Variants in RUNDC3B observed in about 807,000 individuals in gnomAD.
RUNDC3B encodes the protein RUN domain-containing protein 3B.
Under a neutral mutation model 58.4 loss-of-function variants are expected in RUNDC3B, and 33 were observed. That is an observed-to-expected ratio of 0.56 (90% CI 0.43 to 0.75). The LOEUF (loss-of-function observed/expected upper bound fraction) is 0.75. RUNDC3B is among the 30% of genes least tolerant of loss of function. The pLI is 0.00. For missense variants in RUNDC3B, 501 were observed against 535.7 expected (o/e 0.94, Z 0.64); for synonymous variants, 193 against 195.2 (o/e 0.99, Z 0.10).
intron 8 of RUNDC3B, among the ~76,000 whole-genome samples, chr7:87,780,531 T>A (rs1563204769): frequency 6.6e-6 from 1 of 152,266 alleles, no homozygotes; most frequent in African/African-American, 2.4e-5. Flanking sequence ...TTTGTGAGTG[T>A]TTTTCCCCAA....
chr7:87,683,461 C>A (rs1249043303), intron 2 of RUNDC3B, among the ~76,000 whole-genome samples: 2 of 152,100 alleles, frequency 1.3e-5, no homozygotes, highest in South Asian at 4.1e-4. Context: ...AGATATATGC[C>A]ACTCTTCACT....
chr7:87,750,139 T>C (rs1400154127), intron 6 of RUNDC3B, among the ~76,000 whole-genome samples: 2 of 152,130 alleles, frequency 1.3e-5, no homozygotes, highest in Admixed American at 1.3e-4. Context: ...TTTGGTTTTT[T>C]GTTCTTGCGA....
chr7:87,822,130 G>A (rs1167486411), intron 10 of RUNDC3B, among the ~76,000 whole-genome samples: 12 of 151,728 alleles, frequency 7.9e-5, no homozygotes, highest in South Asian at 2.1e-4. Context: ...GAAAATTTCC[G>A]CAACCTACTC....
intron 2 of RUNDC3B, among the ~76,000 whole-genome samples, chr7:87,694,662 C>T (rs551498083): frequency 8.5e-5 from 13 of 152,188 alleles, no homozygotes; most frequent in African/African-American, 2.2e-4. Flanking sequence ...TTCAGGAGTA[C>T]GCATTTATGT....
intron 10 of RUNDC3B, among the ~76,000 whole-genome samples, chr7:87,824,806 T>G (rs1438434353): frequency 5.3e-5 from 8 of 152,070 alleles, no homozygotes; most frequent in Admixed American, 5.2e-4. Flanking sequence ...TCTTGTTATA[T>G]TTTAGCAAAG....
Position 87,640,207 on chromosome 7 carries a change from T to C in RUNDC3B, c.123-10615T>C, listed in dbSNP as rs1347966902. Among the ~76,000 whole-genome samples, 3 of 149,558 alleles carry C rather than the reference T, an allele frequency of 2.0e-5. No homozygotes were observed. The East Asian group carries it at 5.8e-4, about 29-fold the overall frequency. ...ATATATATGTGTATATATATATATA[T>C]ATTAAATCTTACATTATTTTATTAC... On this transcript the variant is annotated intron_variant, in intron 1 of 10. Transcript: ENST00000394654.
intron 1 of RUNDC3B, among the ~76,000 whole-genome samples, chr7:87,631,476 C>T (rs914989426): frequency 4.6e-5 from 7 of 152,128 alleles, no homozygotes; most frequent in Non-Finnish European, 5.9e-5. Context: ...CTGCAAGCTC[C>T]GCCTCCCGGG....
At chr7:87,760,796 C>T (rs963111871) in intron 6 of RUNDC3B, among the ~76,000 whole-genome samples, 17 of 151,894 alleles carry the variant, frequency 1.1e-4, no homozygotes, top group African/African-American at 2.7e-4. Context: ...TGAATTTAGA[C>T]CTTAACCTCA....
chr7:87,807,394 T>A lies in RUNDC3B; in HGVS notation c.978T>A (p.Asp326Glu). 6.2e-7 allele frequency: 1 copy of A among 1,613,708 alleles called. No homozygotes were observed. Among genetic ancestry groups the A allele is most frequent in the Non-Finnish European group, 8.5e-7 (1 of 1,179,704 alleles). ...ACAGGACTGTGCTAAAGAATAATGA[T>A]TTAAGATCGAGACAAGAGTTAACTG... The part of the protein sequence containing the change: ...QDQLTVLKNN[D>E]LRSRQELTAH... Residue 326 changes from aspartate to glutamate, a missense_variant, in exon 9 of 11, where the codon GAT becomes GAA. Asp to Glu is a conservative substitution (Grantham distance 45). Transcript: ENST00000394654.
chr7:87,667,080 C>A (rs2130491147), intron 2 of RUNDC3B, among the ~76,000 whole-genome samples: 1 of 152,186 alleles, frequency 6.6e-6, no homozygotes, highest in Middle Eastern at 3.4e-3. Flanking sequence ...TTGCTTTGGG[C>A]AGTATAGCCA....
intron 6 of RUNDC3B, among the ~76,000 whole-genome samples, chr7:87,766,433 T>C (rs761453541): frequency 2.6e-5 from 4 of 152,160 alleles, no homozygotes; most frequent in Non-Finnish European, 4.4e-5. Context: ...GTAGGACTAG[T>C]CTAATCGTGA....
intron 8 of RUNDC3B, among the ~76,000 whole-genome samples, chr7:87,788,870 A>G (rs1835375397): frequency 6.6e-6 from 1 of 152,104 alleles, no homozygotes; most frequent in African/African-American, 2.4e-5. Flanking sequence ...TGAATTTAGT[A>G]TTTTTCAGTA....
intron 4 of RUNDC3B, among the ~76,000 whole-genome samples, chr7:87,715,838 G>C (rs1425737557): frequency 6.6e-6 from 1 of 151,966 alleles, no homozygotes; most frequent in Non-Finnish European, 1.5e-5. Flanking sequence ...CTGAAGGGAA[G>C]CTGGAGGGAA....
At chr7:87,653,094 GAT>G (rs1236391774) in intron 2 of RUNDC3B, among the ~76,000 whole-genome samples, 1 of 151,944 alleles carries the variant, frequency 6.6e-6, no homozygotes, top group African/African-American at 2.4e-5. Flanking sequence ...TTTAAAATCA[GAT>G]ATATTAATAT....
chr7:87,828,468 G>A (rs897479505), intron 10 of RUNDC3B, among the ~76,000 whole-genome samples: 14 of 152,062 alleles, frequency 9.2e-5, no homozygotes, highest in African/African-American at 3.4e-4. Flanking sequence ...GAGATTATAT[G>A]TGGTATTTGG....
At chr7:87,744,427 A>T (rs1056731229) in intron 6 of RUNDC3B, among the ~76,000 whole-genome samples, 1 of 152,106 alleles carries the variant, frequency 6.6e-6, no homozygotes, top group Admixed American at 6.6e-5. Context: ...CACAATATTG[A>T]TTCTACCCAT....
chr7:87,734,533 C>T (rs1831805224), intron 4 of RUNDC3B, among the ~76,000 whole-genome samples: 2 of 152,066 alleles, frequency 1.3e-5, no homozygotes, highest in Non-Finnish European at 2.9e-5. Context: ...TATACCAGTA[C>T]CTCCTACCTT....
intron 4 of RUNDC3B, among the ~76,000 whole-genome samples, chr7:87,739,411 A>G (rs1047684138): frequency 6.6e-6 from 1 of 152,188 alleles, no homozygotes; most frequent in African/African-American, 2.4e-5. Context: ...CATTTTGAAA[A>G]TAGGTAAATA....
Position 87,831,929 on chromosome 7 carries a change from C to T in RUNDC3B, c.*1899C>T, listed in dbSNP as rs935576406. On this transcript the variant is annotated 3_prime_UTR_variant, in exon 11 of 11. Coordinates refer to ENST00000394654, the MANE Select transcript of RUNDC3B (RefSeq NM_001134405.2). ...AGAAGGAAATTCAAGATTCCATAATCGTAAAATTTTTCAGATTTGTCTAAT... is the reference window on the plus strand; with the variant it reads ...AGAAGGAAATTCAAGATTCCATAATTGTAAAATTTTTCAGATTTGTCTAAT... The T allele has an allele frequency of 6.6e-6, 1 of 151,920 alleles. No homozygotes were observed. Among genetic ancestry groups the T allele is most frequent in the Non-Finnish European group, 1.5e-5 (1 of 67,878 alleles). 9.4% of individuals were successfully genotyped at this position (151,920 alleles called of 1,614,324 possible).
Sources: allele counts gnomAD v4.1 joint callset (sites outside exome capture counted in the v4.1 genomes callset), GRCh38; gene constraint gnomAD v4.1.1; transcripts MANE v1.5; gene names NCBI Gene and HGNC (gene_info 2026-07-23, HGNC 2026-07-21).